Variants in POFUT3 observed in about 807,000 individuals in gnomAD.
The protein encoded by POFUT3 is protein O-fucosyltransferase 3.
chr8:33,365,135 C>T, the POFUT3 span, among the ~76,000 whole-genome samples: 2 of 151,704 alleles, frequency 1.3e-5, no homozygotes, highest in Non-Finnish European at 2.9e-5. Flanking sequence ...CTTTGACAAA[C>T]CTGACAAAAA....
the POFUT3 span, among the ~76,000 whole-genome samples, chr8:33,408,342 G>A: frequency 1.1e-4 from 17 of 151,860 alleles, no homozygotes; most frequent in East Asian, 9.7e-4. Context: ...CTACCCTGGT[G>A]TCTAATGTTC....
chr8:33,467,272 CAAA>C, the POFUT3 span, among the ~76,000 whole-genome samples: 7 of 73,448 alleles, frequency 9.5e-5, no homozygotes, highest in Non-Finnish European at 1.7e-4. Context: ...GACTCTGTCT[CAAA>C]AAAAAAAAAA....
chr8:33,339,944 G>T, the POFUT3 span, among the ~76,000 whole-genome samples: 1 of 152,034 alleles, frequency 6.6e-6, no homozygotes, highest in African/African-American at 2.4e-5. Context: ...TTAAAAGGAA[G>T]AAAATTATAA....
chr8:33,319,614 TATAA>T, the POFUT3 span, among the ~76,000 whole-genome samples: 3 of 49,218 alleles, frequency 6.1e-5, 1 homozygote, highest in African/African-American at 3.0e-4. Flanking sequence ...TTATATATTA[TATAA>T]ATATATATAT....
At chr8:33,397,049 T>A in the POFUT3 span, among the ~76,000 whole-genome samples, 1 of 152,214 alleles carries the variant, frequency 6.6e-6, no homozygotes, top group African/African-American at 2.4e-5. Context: ...GTTAATCACC[T>A]CAGCTGTAAC....
chr8:33,340,204 A>T, the POFUT3 span, among the ~76,000 whole-genome samples: 3 of 151,630 alleles, frequency 2.0e-5, no homozygotes, highest in Admixed American at 6.6e-5. Context: ...GTAATATCTT[A>T]AAAAAAACAC....
chr8:33,418,273 C>G, the POFUT3 span, among the ~76,000 whole-genome samples: 1 of 152,120 alleles, frequency 6.6e-6, no homozygotes, highest in Non-Finnish European at 1.5e-5. Flanking sequence ...AGCACAGCCT[C>G]CACGCACTTT....
At chr8:33,330,984 G>C in the POFUT3 span, among the ~76,000 whole-genome samples, 1 of 152,074 alleles carries the variant, frequency 6.6e-6, no homozygotes, top group Non-Finnish European at 1.5e-5. Flanking sequence ...AGAACAGTAG[G>C]AAGTAGACAT....
chr8:33,374,787 A>C, the POFUT3 span, among the ~76,000 whole-genome samples: 1 of 152,208 alleles, frequency 6.6e-6, no homozygotes, highest in Non-Finnish European at 1.5e-5. Context: ...TCTGAGAAAA[A>C]TGAATGTCCA....
At chr8:33,333,550 T>C in the POFUT3 span, among the ~76,000 whole-genome samples, 3 of 152,112 alleles carry the variant, frequency 2.0e-5, no homozygotes, top group Non-Finnish European at 4.4e-5. Context: ...CAAAGAGTAT[T>C]GATGTGGCAA....
chr8:33,362,472 G>A, the POFUT3 span, among the ~76,000 whole-genome samples: 8 of 152,094 alleles, frequency 5.3e-5, no homozygotes, highest in Non-Finnish European at 8.8e-5. Flanking sequence ...GACACAGACT[G>A]GCAAATTGGA....
chr8:33,361,858 T>G, the POFUT3 span, among the ~76,000 whole-genome samples: 1 of 152,182 alleles, frequency 6.6e-6, no homozygotes, highest in Non-Finnish European at 1.5e-5. Flanking sequence ...TTCTTTTCAC[T>G]CATTGATCGA....
At chr8:33,465,389 C>CATATATATATATATATATATATATAT in the POFUT3 span, among the ~76,000 whole-genome samples, 1 of 145,480 alleles carries the variant, frequency 6.9e-6, no homozygotes, top group African/African-American at 2.6e-5. Flanking sequence ...TGCCCAAGAT[C>CATATATATATATATATATATATATAT]ATATATATAT....
chr8:33,357,576 A>G, the POFUT3 span, among the ~76,000 whole-genome samples: 533 of 151,584 alleles, frequency 3.5e-3, 7 homozygotes, highest in African/African-American at 0.012. Flanking sequence ...GTATATATCT[A>G]TATTTCTCTC....
chr8:33,387,901 G>T, the POFUT3 span, among the ~76,000 whole-genome samples: 2 of 152,246 alleles, frequency 1.3e-5, no homozygotes, highest in African/African-American at 2.4e-5. Context: ...GCTATGAGTG[G>T]GCCACCTCAT....
chr8:33,417,604 T>C, the POFUT3 span, among the ~76,000 whole-genome samples: 1 of 152,060 alleles, frequency 6.6e-6, no homozygotes, highest in Non-Finnish European at 1.5e-5. Context: ...TTAGGATATC[T>C]GAAGCTCCAC....
chr8:33,431,143 T>C, the POFUT3 span, among the ~76,000 whole-genome samples: 1 of 152,124 alleles, frequency 6.6e-6, no homozygotes, highest in Non-Finnish European at 1.5e-5. Context: ...CTAAGTATCT[T>C]ATTCTAAGCA....
At chr8:33,363,274 G>A in the POFUT3 span, among the ~76,000 whole-genome samples, 1 of 152,158 alleles carries the variant, frequency 6.6e-6, no homozygotes, top group Non-Finnish European at 1.5e-5. Flanking sequence ...AAAGCAGTGT[G>A]TAGAGGGAAA....
the POFUT3 span, among the ~76,000 whole-genome samples, chr8:33,328,201 AC>A: frequency 6.6e-6 from 1 of 151,902 alleles, no homozygotes; most frequent in South Asian, 2.1e-4. Flanking sequence ...AGGAGGGGTG[AC>A]TCCTACAGTG....
Sources: gnomAD v4.1 joint callset for allele counts (sites outside exome capture counted in the v4.1 genomes callset) on GRCh38, gnomAD v4.1.1 for gene constraint, MANE v1.5 for transcripts, NCBI Gene and HGNC (gene_info 2026-07-23, HGNC 2026-07-21) for gene names.